Variants in CSRP2 observed in about 807,000 individuals in gnomAD.
CSRP2 encodes the protein cysteine and glycine rich protein 2.
A neutral mutation model predicts 24.6 loss-of-function variants in CSRP2; 18 were observed. The observed-to-expected ratio is 0.73, with a 90% CI of 0.51 to 1.09. CSRP2 has a LOEUF of 1.09. Among genes scored for constraint, CSRP2 ranks in the 50% least tolerant of loss-of-function variants. The pLI is 0.00. For missense variants in CSRP2, 215 were observed against 239.4 expected, an observed-to-expected ratio of 0.90 and a Z score of 0.67; for synonymous variants, 87 against 84.3, an observed-to-expected ratio of 1.03 and a Z score of -0.18.
At chr12:76,871,215 C>CA (rs1953793350) in intron 1 of CSRP2, among the ~76,000 whole-genome samples, 1 of 152,030 alleles carries the variant, frequency 6.6e-6, no homozygotes, top group Non-Finnish European at 1.5e-5. Context: ...ATTGTGAAGG[C>CA]AAGATAAGGT....
At chr12:76,866,093 A>C in intron 2 of CSRP2, 56 bp downstream of exon 2, 1 of 1,337,596 alleles carries the variant, frequency 7.5e-7, no homozygotes, top group Non-Finnish European at 1.1e-6. Flanking sequence ...AAATAGACAT[A>C]TTGAAGCTCT....
At chr12:76,866,111 C>A in intron 2 of CSRP2, 38 bp downstream of exon 2, 1 of 1,513,642 alleles carries the variant, frequency 6.6e-7, no homozygotes, top group East Asian at 2.3e-5. Flanking sequence ...TCTGTACATA[C>A]AAATTCCGTC....
intron 4 of CSRP2, among the ~76,000 whole-genome samples, 193 bp from the exon 5 acceptor site, chr12:76,859,833 C>G (rs191226648): frequency 2.0e-5 from 3 of 152,326 alleles, no homozygotes; most frequent in Admixed American, 1.3e-4. Context: ...GGCTGTTTCC[C>G]TAAGAGCAGC....
At chr12:76,859,341 T>C (rs1002080115) in intron 5 of CSRP2, 15 of 596,850 alleles carry the variant, frequency 2.5e-5, no homozygotes, top group Non-Finnish European at 3.9e-5. Flanking sequence ...AGATGGCTAT[T>C]TGTGGTGTTT....
chr12:76,873,328 A>C (rs1322933476), intron 1 of CSRP2, among the ~76,000 whole-genome samples: 2 of 152,228 alleles, frequency 1.3e-5, no homozygotes, highest in Non-Finnish European at 2.9e-5. Flanking sequence ...TTTTAGCAAG[A>C]CCAGGATTTG....
At chr12:76,871,171 AT>A (rs1401971225) in intron 1 of CSRP2, among the ~76,000 whole-genome samples, 86 of 152,180 alleles carry the variant, frequency 5.7e-4, no homozygotes, top group African/African-American at 2.0e-3. Flanking sequence ...CAAGCTAAAA[AT>A]GGGGATAGGT....
Position 76,866,217 on chromosome 12 carries a change from C to T in CSRP2, c.44G>A (p.Arg15Lys). 1 of 1,614,156 alleles carries T rather than the reference C, an allele frequency of 6.2e-7. No individual in the cohort carries two copies. The highest frequency in any genetic ancestry group is 1.1e-5 in the South Asian group (1 of 91,078). The change falls in exon 2 of 6, where the codon AGG (arginine) becomes AAG (lysine). Residue 15 changes from arginine to lysine, a missense_variant. Arg to Lys is a conservative substitution (Grantham distance 26, BLOSUM62 2). Transcript: ENST00000311083. ...GGGNKCGACG[R>K]TVYHAEEVQC... is the part of the protein sequence containing the mutation. ...CACCTCTTCTGCGTGGTACACGGTC[C>T]TCCCACAGGCCCCACACTTGTTTCC...
At chr12:76,864,740 T>C (rs981435569) in intron 2 of CSRP2, 7 of 152,056 alleles carry the variant, frequency 4.6e-5, no homozygotes. Context: ...ATTTAGTCTA[T>C]TATCTTAAAC....
In CSRP2 at chr12:76,866,277, A is replaced by G. The variant is rs1050593867; in HGVS notation, c.-1-16T>C. ...GACAGGCATTCTGAAGGAATAAAGG[A>G]TTCATTAGAATGTCCCTGTGCTGGT... On this transcript the variant is annotated splice_polypyrimidine_tract_variant and intron_variant, in intron 1 of 5. Coordinates refer to ENST00000311083, the MANE Select transcript of CSRP2 (RefSeq NM_001321.3). The G allele has an allele frequency of 6.3e-7, 1 of 1,587,498 alleles. No homozygotes were observed. Among genetic ancestry groups the G allele is most frequent in the Non-Finnish European group, 8.7e-7 (1 of 1,155,926 alleles).
In CSRP2 at chr12:76,866,193, A is replaced by G; in HGVS notation, c.68T>C (p.Val23Ala). 6.2e-7 allele frequency: 1 copy of G among 1,613,948 alleles called. No homozygotes were observed. The highest frequency in any genetic ancestry group is 8.5e-7 in the Non-Finnish European group (1 of 1,179,950). ...GTGGAAGCTCCTGCCATCACACTGC[A>G]CCTCTTCTGCGTGGTACACGGTCCT... Reference protein sequence around the residue: ...CGRTVYHAEEVQCDGRSFHRC... With the variant: ...CGRTVYHAEEAQCDGRSFHRC... Residue 23 changes from valine to alanine, a missense_variant, in exon 2 of 6, where the codon GTG (valine) becomes GCG (alanine). Val to Ala is a moderately conservative substitution (Grantham distance 64). Transcript: ENST00000311083.
Position 76,859,028 on chromosome 12 carries a change from C to T in CSRP2, c.506G>A (p.Gly169Glu). Reference sequence around the variant, plus strand: ...GGGCCCAAAGTTCTTTGCATAGCATCCTACAAAGGAAAGGGAGGAAGGATA... The same window carrying T: ...GGGCCCAAAGTTCTTTGCATAGCATTCTACAAAGGAAAGGGAGGAAGGATA... Reference protein sequence around the residue: ...TEKEGEIYCKGCYAKNFGPKG... With the variant: ...TEKEGEIYCKECYAKNFGPKG... Residue 169 changes from glycine (G) to glutamate (E), a missense_variant and splice_region_variant, in exon 6 of 6, where the codon GGA (glycine) becomes GAA (glutamate). By Grantham distance (98) the Gly-to-Glu change is moderately conservative. Coordinates refer to ENST00000311083, the MANE Select transcript of CSRP2 (RefSeq NM_001321.3). The T allele has an allele frequency of 6.2e-7, 1 of 1,614,044 alleles. No homozygotes were observed. Among genetic ancestry groups the T allele is most frequent in the Non-Finnish European group, 8.5e-7 (1 of 1,179,910 alleles).
intron 3 of CSRP2, 186 bp from the exon 4 acceptor site, chr12:76,860,599 TG>T: frequency 5.2e-6 from 3 of 581,692 alleles, no homozygotes; most frequent in Non-Finnish European, 8.8e-6. Context: ...AGTTACTACT[TG>T]AACCTATCTA....
At chr12:76,876,471 A>AGG (rs1953852334) in intron 1 of CSRP2, among the ~76,000 whole-genome samples, 1 of 152,228 alleles carries the variant, frequency 6.6e-6, no homozygotes, top group South Asian at 2.1e-4. Context: ...CCCTTAATTC[A>AGG]GGATTCTTAA....
chr12:76,871,651 C>T (rs1953800330), intron 1 of CSRP2, among the ~76,000 whole-genome samples: 1 of 151,908 alleles, frequency 6.6e-6, no homozygotes, highest in Non-Finnish European at 1.5e-5. Flanking sequence ...GTAGTCCCAG[C>T]TACTCGGGAG....
intron 1 of CSRP2, among the ~76,000 whole-genome samples, chr12:76,868,461 C>G (rs1010797288): frequency 6.6e-6 from 1 of 152,200 alleles, no homozygotes; most frequent in Non-Finnish European, 1.5e-5. Context: ...CCTGCACAAG[C>G]TCTCTTGCCT....
intron 2 of CSRP2, among the ~76,000 whole-genome samples, chr12:76,865,387 T>G (rs930591088): frequency 6.6e-6 from 1 of 152,238 alleles, no homozygotes; most frequent in Non-Finnish European, 1.5e-5. Flanking sequence ...TTTATTTTTT[T>G]GTAACTGCAA....
chr12:76,870,922 A>G (rs950235505), intron 1 of CSRP2, among the ~76,000 whole-genome samples: 4 of 137,744 alleles, frequency 2.9e-5, no homozygotes, highest in African/African-American at 1.1e-4. Context: ...ACAGTGAGCT[A>G]TGATTGCACC....
chr12:76,868,251 A>G (rs960601288), intron 1 of CSRP2, among the ~76,000 whole-genome samples: 1 of 152,208 alleles, frequency 6.6e-6, no homozygotes, highest in African/African-American at 2.4e-5. Context: ...TTGGAAATTA[A>G]AAATAACAGT....
chr12:76,865,468 G>A (rs1045412103), intron 2 of CSRP2, among the ~76,000 whole-genome samples: 1 of 152,202 alleles, frequency 6.6e-6, no homozygotes, highest in African/African-American at 2.4e-5. Flanking sequence ...CAGATACCTT[G>A]AATGCTGGCT....
Sources: allele counts gnomAD v4.1 joint callset (sites outside exome capture counted in the v4.1 genomes callset), GRCh38; gene constraint gnomAD v4.1.1; transcripts MANE v1.5; gene names NCBI Gene and HGNC (gene_info 2026-07-23, HGNC 2026-07-21).